Variants in CCDC68 observed in about 807,000 individuals in gnomAD.
CCDC68 encodes coiled-coil domain-containing protein 68.
A neutral mutation model predicts 47.1 loss-of-function variants in CCDC68; 45 were observed. The observed-to-expected ratio is 0.96, with a 90% CI of 0.75 to 1.23. CCDC68 has a LOEUF of 1.23. CCDC68 is among the 50% of genes most tolerant of loss of function. The probability of loss-of-function intolerance (pLI) is 0.00; values close to 1 mark genes in which losing one functional copy is unlikely to be tolerated. For missense variants in CCDC68, 353 were observed against 373.6 expected, an observed-to-expected ratio of 0.94 and a Z score of 0.45; for synonymous variants, 131 against 129.5, an observed-to-expected ratio of 1.01 and a Z score of -0.08.
intron 7 of CCDC68, among the ~76,000 whole-genome samples, chr18:54,932,099 C>T (rs1382818690): frequency 1.3e-5 from 2 of 152,088 alleles, no homozygotes; most frequent in African/African-American, 4.8e-5. Context: ...CTCAGTCTCT[C>T]TTTAAACCAA....
At chr18:54,935,972 G>A (rs1178898423) in intron 6 of CCDC68, among the ~76,000 whole-genome samples, 1 of 151,522 alleles carries the variant, frequency 6.6e-6, no homozygotes, top group Non-Finnish European at 1.5e-5. Flanking sequence ...ATATACTTCA[G>A]ATTTAAAAAC....
intron 2 of CCDC68, among the ~76,000 whole-genome samples, chr18:54,944,735 A>C (rs2044498056): frequency 6.6e-6 from 1 of 152,238 alleles, no homozygotes; most frequent in Non-Finnish European, 1.5e-5. Context: ...TAATAAATTC[A>C]AAAGGAGAGA....
At chr18:54,940,955 G>T (rs751508246) in intron 4 of CCDC68, 42 bp downstream of exon 4, 3 of 1,421,864 alleles carry the variant, frequency 2.1e-6, no homozygotes, top group Admixed American at 1.8e-5. Flanking sequence ...ACTTTAAAAA[G>T]TCTAAATGGC....
At chr18:54,951,722 C>T (rs2044622710) in intron 1 of CCDC68, among the ~76,000 whole-genome samples, 1 of 152,198 alleles carries the variant, frequency 6.6e-6, no homozygotes. Flanking sequence ...TGGGAGGTCC[C>T]AGGTGTGTCC....
chr18:54,929,889 A>G (rs2044213878), intron 7 of CCDC68, among the ~76,000 whole-genome samples: 1 of 152,226 alleles, frequency 6.6e-6, no homozygotes. Flanking sequence ...ACTTGGAAAT[A>G]AAAACAATAT....
intron 1 of CCDC68, among the ~76,000 whole-genome samples, chr18:54,952,242 G>C (rs944445641): frequency 2.0e-5 from 3 of 149,838 alleles, no homozygotes; most frequent in African/African-American, 7.3e-5. Context: ...AAAGGAAGCT[G>C]AGGTCAATGA....
chr18:54,906,650 G>A (rs571868285), intron 11 of CCDC68, among the ~76,000 whole-genome samples: 7 of 152,126 alleles, frequency 4.6e-5, no homozygotes, highest in African/African-American at 1.7e-4. Context: ...AGAATGTCAC[G>A]CTTGCCCTCC....
rs192090654 is a variant in CCDC68, at chr18:54,910,798, C to T, written c.874-2936G>A. Among the ~76,000 whole-genome samples the T allele has an allele frequency of 3.7e-3, 566 of 152,370 alleles. 2 individuals carry two copies. Among genetic ancestry groups the T allele is most frequent in the Non-Finnish European group, 6.0e-3 (411 of 68,044 alleles). ...CAGCTCTAACCCGAGCATGCACACACCCAGCTGAGCTGTGACAGTGCCTGG... is the reference window on the plus strand; with the variant it reads ...CAGCTCTAACCCGAGCATGCACACATCCAGCTGAGCTGTGACAGTGCCTGG... On this transcript the variant is annotated intron_variant, in intron 10 of 11. Transcript: ENST00000591504.
At chr18:54,958,352 A>C (rs1402571128) in intron 1 of CCDC68, among the ~76,000 whole-genome samples, 3 of 152,186 alleles carry the variant, frequency 2.0e-5, no homozygotes, top group Non-Finnish European at 4.4e-5. Context: ...AGGGTACCTG[A>C]CACTCCTGCC....
rs1403470436 is a variant in CCDC68, at chr18:54,903,579, C to T, written c.*779G>A. 6.6e-6 allele frequency: 1 copy of T among 152,100 alleles called. No individual in the cohort carries two copies. The highest frequency in any genetic ancestry group is 1.5e-5 in the Non-Finnish European group (1 of 68,032). The allele number at this position is 152,100 out of a possible 1,614,324, so 9.4% of individuals were successfully genotyped here. ...ATCCCCCCAATATTTTATTTAGATA[C>T]TATTAATAACTATCAAGAAGAAAAT... On this transcript the variant is annotated 3_prime_UTR_variant, in exon 12 of 12. Coordinates refer to ENST00000591504, the MANE Select transcript of CCDC68 (RefSeq NM_025214.3).
At chr18:54,941,427 T>A (rs1434938607) in intron 3 of CCDC68, among the ~76,000 whole-genome samples, 1 of 152,182 alleles carries the variant, frequency 6.6e-6, no homozygotes, top group Non-Finnish European at 1.5e-5. Flanking sequence ...ATTTACTGTT[T>A]AGTAATTACT....
At chr18:54,946,284 G>A (rs867370214) in intron 1 of CCDC68, among the ~76,000 whole-genome samples, 4 of 152,202 alleles carry the variant, frequency 2.6e-5, no homozygotes, top group South Asian at 2.1e-4. Flanking sequence ...GAGAAAGTAC[G>A]TGGCAGGCAA....
intron 1 of CCDC68, among the ~76,000 whole-genome samples, chr18:54,951,227 A>G (rs952573861): frequency 6.6e-6 from 1 of 152,126 alleles, no homozygotes; most frequent in East Asian, 1.9e-4. Context: ...TTTTAATGAA[A>G]TAGTCTATCC....
intron 1 of CCDC68, among the ~76,000 whole-genome samples, chr18:54,949,549 A>G (rs1315398570): frequency 6.6e-6 from 1 of 152,188 alleles, no homozygotes; most frequent in Non-Finnish European, 1.5e-5. Flanking sequence ...AGCCCAGAGA[A>G]GGGACAATGA....
intron 2 of CCDC68, among the ~76,000 whole-genome samples, chr18:54,943,152 G>T (rs2044466293): frequency 6.6e-6 from 1 of 152,044 alleles, no homozygotes; most frequent in South Asian, 2.1e-4. Context: ...AATAAATGTA[G>T]AATTAACATG....
intron 8 of CCDC68, among the ~76,000 whole-genome samples, chr18:54,928,412 A>G (rs113033824): frequency 0.01 from 1,554 of 152,262 alleles, 36 homozygotes; most frequent in African/African-American, 0.035. Context: ...CCAGTGTAAT[A>G]TCTGCTGTAG....
intron 8 of CCDC68, among the ~76,000 whole-genome samples, chr18:54,924,567 A>G (rs1285515408): frequency 2.0e-5 from 3 of 152,220 alleles, no homozygotes; most frequent in Non-Finnish European, 4.4e-5. Context: ...GGGGGAAGAG[A>G]CAACTATTTC....
At chr18:54,953,119 G>C (rs1301042881) in intron 1 of CCDC68, among the ~76,000 whole-genome samples, 1 of 152,138 alleles carries the variant, frequency 6.6e-6, no homozygotes, top group Non-Finnish European at 1.5e-5. Flanking sequence ...ATATTCTATG[G>C]TTCCATTTGA....
intron 10 of CCDC68, among the ~76,000 whole-genome samples, chr18:54,911,487 A>C (rs1914363717): frequency 1.3e-5 from 2 of 152,216 alleles, no homozygotes; most frequent in African/African-American, 4.8e-5. Flanking sequence ...GTATCTTCAC[A>C]TGCAATCATC....
Sources: gnomAD v4.1 joint callset for allele counts (sites outside exome capture counted in the v4.1 genomes callset) on GRCh38, gnomAD v4.1.1 for gene constraint, MANE v1.5 for transcripts, NCBI Gene and HGNC (gene_info 2026-07-23, HGNC 2026-07-21) for gene names.